The following BAP1 variants were observed in gnomAD, a reference collection of about 807,000 sequenced individuals.
The protein encoded by BAP1 is BRCA1 associated deubiquitinase 1.
In BAP1, 16 loss-of-function variants were observed where a neutral mutation model predicts 77.2. The ratio of observed to expected loss-of-function variants is 0.21; its 90% CI spans 0.14 to 0.31. BAP1 has a LOEUF of 0.31. Ranked by LOEUF, BAP1 falls within the 10% of genes least tolerant of loss-of-function variation. BAP1 has a pLI of 1.00. For missense variants in BAP1, 699 were observed against 967.3 expected (o/e 0.72, Z 3.68); for synonymous variants, 362 against 385.2 (o/e 0.94, Z 0.71).
chr3:52,409,887 G>A lies in BAP1; in HGVS notation c.-9C>T, dbSNP rs764589031. 1 of 1,606,476 alleles carries A rather than the reference G, an allele frequency of 6.2e-7. No individual in the cohort carries two copies. The highest frequency in any genetic ancestry group is 8.5e-7 in the Non-Finnish European group (1 of 1,179,846). ...AGCCAGCCCTTATTCATCTTCCCGCGGGGCGGCCCCTCAGCGCCATGTCCA... is the reference window on the plus strand; with the variant it reads ...AGCCAGCCCTTATTCATCTTCCCGCAGGGCGGCCCCTCAGCGCCATGTCCA... On this transcript the variant is annotated 5_prime_UTR_variant, in exon 1 of 17. Transcript: ENST00000460680.
chr3:52,408,356 T>C (rs1705231680), intron 4 of BAP1, 118 bp downstream of exon 4: 2 of 1,480,102 alleles, frequency 1.4e-6, no homozygotes, highest in African/African-American at 2.8e-5. Context: ...AGAGGATTTC[T>C]GTAGCTACCA....
Position 52,406,935 on chromosome 3 carries a change from C to T in BAP1, c.581-28G>A, listed in dbSNP as rs372875496. Reference sequence around the variant, plus strand: ...AGTGGAGACCAAGACAAGGAATCAGCGAGAAGGAAACCCTGAGTTTGGGCA... The same window carrying T: ...AGTGGAGACCAAGACAAGGAATCAGTGAGAAGGAAACCCTGAGTTTGGGCA... On this transcript the variant is annotated intron_variant, in intron 7 of 16. Coordinates refer to ENST00000460680, the MANE Select transcript of BAP1 (RefSeq NM_004656.4). The surrounding 1 kb of genome is among the most constrained non-coding windows in gnomAD (Gnocchi z 4.6). 1.0e-5 allele frequency: 16 copies of T among 1,559,546 alleles called. No individual in the cohort carries two copies. Among genetic ancestry groups the T allele is most frequent in the South Asian group, 3.5e-5 (3 of 84,960 alleles).
At chr3:52,404,630 C>T (rs762084362) in intron 11 of BAP1, 44 bp from the exon 12 acceptor site, 2 of 1,592,108 alleles carry the variant, frequency 1.3e-6, no homozygotes, top group Admixed American at 3.6e-5. Context: ...GCTGCTCGGC[C>T]CAGGCTGAGC....
At position 52,402,850 on chromosome 3, in the gene BAP1, A is replaced by G. The variant is rs1578219121; in HGVS notation, c.1912T>C (p.Cys638Arg). 5 of 1,613,934 alleles carry G rather than the reference A, an allele frequency of 3.1e-6. No individual in the cohort carries two copies. The highest frequency in any genetic ancestry group is 4.2e-6 in the Non-Finnish European group (5 of 1,179,980). ...SPKELLALLKCVEAEIANYEA... is the reference protein window; with the variant it reads ...SPKELLALLKRVEAEIANYEA... ...TAGTTTGCAATCTCAGCCTCCACAC[A>G]CTTCAGCAGTGCCAGCAGCTCCTGC... The change falls in exon 15 of 17, where the codon TGT becomes CGT. Residue 638 changes from cysteine (C) to arginine (R), a missense_variant. Physicochemically the swap from Cys to Arg is radical, Grantham distance 180 (BLOSUM62 -3). Transcript: ENST00000460680. This position sits in a 1 kb window ranked among gnomAD's most constrained non-coding sequence, Gnocchi z 5.3.
chr3:52,409,237 T>A (rs905740355), intron 3 of BAP1, among the ~76,000 whole-genome samples: 1 of 152,188 alleles, frequency 6.6e-6, no homozygotes, highest in African/African-American at 2.4e-5. Flanking sequence ...CACACTAAAA[T>A]TAATACATTA....
rs1553644951 is a variant in BAP1 at position 52,403,775 on chromosome 3, T to C, written c.1370A>G (p.Lys457Arg). 2.5e-6 allele frequency: 4 copies of C among 1,614,130 alleles called. No individual in the cohort carries two copies. The highest frequency in any genetic ancestry group is 3.4e-6 in the Non-Finnish European group (4 of 1,180,016). ...VLAEKLKESQ[K>R]DLSIPLSIKT... ...GATGGACAGAGGAATTGAGAGGTCC[T>C]TCTGGGACTCTTTGAGCTTCTCAGC... The change falls in exon 13 of 17, where the codon AAG becomes AGG. Residue 457 changes from lysine to arginine, a missense_variant. By Grantham distance (26) the Lys-to-Arg change is conservative. Coordinates refer to ENST00000460680, the MANE Select transcript of BAP1 (RefSeq NM_004656.4). The surrounding 1 kb of genome is among the most constrained non-coding windows in gnomAD (Gnocchi z 4.0).
At position 52,402,701 on chromosome 3, in the gene BAP1, A is replaced by C. The variant is rs756355098; in HGVS notation, c.1984-27T>G. On this transcript the variant is annotated intron_variant, in intron 15 of 16. Transcript: ENST00000460680. The surrounding 1 kb of genome is among the most constrained non-coding windows in gnomAD (Gnocchi z 5.3). ...TGTAGGAGAGAAGAAGACTGAGAGC[A>C]CTGGAGCCAATCTTGCCAGAGCAGC... 24 of 1,614,002 alleles carry C rather than the reference A, an allele frequency of 1.5e-5. No homozygotes were observed. Among genetic ancestry groups the C allele is most frequent in the Non-Finnish European group, 1.9e-5 (22 of 1,179,934 alleles).
chr3:52,403,365 C>T lies in BAP1; in HGVS notation c.1729+51G>A. ...ACTTTGTGGTCACTTGGCCACTTCC[C>T]TCCTCCCTCCTGGGTGCACCAAGTG... is the stretch of plus-strand genomic sequence containing the variant. On this transcript the variant is annotated intron_variant, in intron 13 of 16. Transcript: ENST00000460680. The surrounding 1 kb of genome is among the most constrained non-coding windows in gnomAD (Gnocchi z 4.0). The T allele has an allele frequency of 6.2e-7, 1 of 1,612,018 alleles. No homozygotes were observed. The highest frequency in any genetic ancestry group is 1.3e-5 in the African/African-American group (1 of 75,020).
rs1705064241 is a variant in BAP1, at chr3:52,403,909, A to G, written c.1251-15T>C. 3 of 1,613,524 alleles carry G rather than the reference A, an allele frequency of 1.9e-6. No homozygotes were observed. In the East Asian group the frequency reaches 6.7e-5, roughly 36 times the overall value. On this transcript the variant is annotated splice_polypyrimidine_tract_variant and intron_variant, in intron 12 of 16. Transcript: ENST00000460680. The surrounding 1 kb of genome is among the most constrained non-coding windows in gnomAD (Gnocchi z 4.0). Reference sequence around the variant, plus strand: ...TCCCCTTATACCTGTGGGGCCCGAGAAGATGTGAAGCAAGGGAACGGGCCA... The same window carrying G: ...TCCCCTTATACCTGTGGGGCCCGAGGAGATGTGAAGCAAGGGAACGGGCCA...
chr3:52,406,817 C>A lies in BAP1; in HGVS notation c.659+12G>T, dbSNP rs1705172782. On this transcript the variant is annotated intron_variant, in intron 8 of 16. Transcript: ENST00000460680. The surrounding 1 kb of genome is among the most constrained non-coding windows in gnomAD (Gnocchi z 4.6). ...TCCAGAGAGTAGAACAGGGCAGGCA[C>A]AGGGCCCTTACCCTGCAGTGGCGAG... 6.4e-7 allele frequency: 1 copy of A among 1,553,964 alleles called. No individual in the cohort carries two copies. Among genetic ancestry groups the A allele is most frequent in the Non-Finnish European group, 8.7e-7 (1 of 1,148,046 alleles).
In BAP1 at chr3:52,403,680, T is replaced by C; in HGVS notation, c.1465A>G (p.Ser489Gly). 6.2e-7 allele frequency: 1 copy of C among 1,613,800 alleles called. No homozygotes were observed. The highest frequency in any genetic ancestry group is 1.1e-5 in the South Asian group (1 of 91,080). ...GAGGCCGTGTCTGTACTCTCATTGC[T>C]GGGGGTGGGTGAGGGCTGCGAGTGT... is the stretch of plus-strand genomic sequence containing the variant. ...PTHSQPSPTPSNESTDTASEI... is the reference protein window; with the variant it reads ...PTHSQPSPTPGNESTDTASEI... The change falls in exon 13 of 17, where the codon AGC becomes GGC. Residue 489 changes from serine (S) to glycine (G), a missense_variant. By Grantham distance (56) the Ser-to-Gly change is moderately conservative. Around this residue, in one of 3 missense-constraint regions of BAP1, gnomAD observed 475 missense variants for 532.4 expected, o/e 0.89. Coordinates refer to ENST00000460680, the MANE Select transcript of BAP1 (RefSeq NM_004656.4). The surrounding 1 kb of genome is among the most constrained non-coding windows in gnomAD (Gnocchi z 4.0).
chr3:52,408,691 A>G, intron 3 of BAP1, 85 bp from the exon 4 acceptor site: 1 of 1,476,482 alleles, frequency 6.8e-7, no homozygotes, highest in East Asian at 2.4e-5. Context: ...AATCCTTTGC[A>G]CTGCGTCATC....
chr3:52,405,370 G>A (rs2153227130), intron 10 of BAP1, 76 bp from the exon 11 acceptor site: 3 of 1,581,152 alleles, frequency 1.9e-6, no homozygotes, highest in South Asian at 2.2e-5. Context: ...CCGGCCCTGT[G>A]AACCAGCACT....
At chr3:52,404,627 G>A (rs370802797) in intron 11 of BAP1, 41 bp from the exon 12 acceptor site, 44 of 1,596,000 alleles carry the variant, frequency 2.8e-5, no homozygotes, top group African/African-American at 1.1e-4. Context: ...AGTGCTGCTC[G>A]GCCCAGGCTG....
At position 52,403,836 on chromosome 3, in the gene BAP1, G is replaced by A. The variant is rs1313425003; in HGVS notation, c.1309C>T (p.Leu437=). ...ATGGTGTTGGGCTGCAGCACTGACAGTTGCCCATCAGCAGAACCGCTCAAT... is the reference window on the plus strand; with the variant it reads ...ATGGTGTTGGGCTGCAGCACTGACAATTGCCCATCAGCAGAACCGCTCAAT... ...GALSGSADGQ[L]SVLQPNTINV... is the part of the protein sequence containing the mutation. The change falls in exon 13 of 17, where the codon CTG becomes TTG. Residue 437 remains leucine, a synonymous_variant. Transcript: ENST00000460680. The surrounding 1 kb of genome is among the most constrained non-coding windows in gnomAD (Gnocchi z 4.0). 6.2e-7 allele frequency: 1 copy of A among 1,614,142 alleles called. No individual in the cohort carries two copies. The highest frequency in any genetic ancestry group is 8.5e-7 in the Non-Finnish European group (1 of 1,180,034).
At position 52,409,931 on chromosome 3, in the gene BAP1, C is replaced by G; in HGVS notation, c.-53G>C. 6.3e-7 allele frequency: 1 copy of G among 1,591,344 alleles called. No individual in the cohort carries two copies. Among genetic ancestry groups the G allele is most frequent in the Non-Finnish European group, 8.5e-7 (1 of 1,175,760 alleles). ...ATGTCCAGGCCCTCCCTCCCCACCG[C>G]TGCCCCCACCGGGAGCCCCCACCGC... On this transcript the variant is annotated 5_prime_UTR_variant, in exon 1 of 17. Coordinates refer to ENST00000460680, the MANE Select transcript of BAP1 (RefSeq NM_004656.4).
Position 52,406,441 on chromosome 3 carries a change from A to G in BAP1, c.660-65T>C, listed in dbSNP as rs1705160667. The G allele has an allele frequency of 6.2e-7, 1 of 1,604,106 alleles. No homozygotes were observed. The highest frequency in any genetic ancestry group is 8.5e-7 in the Non-Finnish European group (1 of 1,179,366). On this transcript the variant is annotated intron_variant, in intron 8 of 16. Transcript: ENST00000460680. This position sits in a 1 kb window ranked among gnomAD's most constrained non-coding sequence, Gnocchi z 4.6. ...CGGCCCCGCCATCAGGTTGAGGCAG[A>G]TATCCTGGCAGGGCTCCCTGCAGTC...
intron 9 of BAP1, 76 bp from the exon 10 acceptor site, chr3:52,405,988 C>T: frequency 6.3e-7 from 1 of 1,597,998 alleles, no homozygotes; most frequent in Non-Finnish European, 8.5e-7. Flanking sequence ...GGGCTGAGGA[C>T]CTAAAGGAAT....
intron 5 of BAP1, 117 bp downstream of exon 5, chr3:52,407,841 C>T: frequency 6.7e-7 from 1 of 1,483,762 alleles, no homozygotes; most frequent in Non-Finnish European, 9.2e-7. Context: ...CATAAACAAT[C>T]ATTTGAAAAA....
Sources: allele counts gnomAD v4.1 joint callset (sites outside exome capture counted in the v4.1 genomes callset), GRCh38; gene constraint gnomAD v4.1.1; regional missense constraint gnomAD v4.1.1; non-coding constraint Gnocchi (gnomAD v3.1); transcripts MANE v1.5; gene names NCBI Gene and HGNC (gene_info 2026-07-23, HGNC 2026-07-21).